Variants in CDS2 observed in about 807,000 individuals in gnomAD.
CDS2 encodes phosphatidate cytidylyltransferase 2.
A neutral mutation model predicts 59.0 loss-of-function variants in CDS2; 47 were observed. The ratio of observed to expected loss-of-function variants is 0.80; its 90% CI spans 0.63 to 1.02. CDS2 has a LOEUF of 1.02. Among genes scored for constraint, CDS2 ranks in the 50% least tolerant of loss-of-function variants. The pLI is 0.00. For synonymous variants in CDS2, 207 were observed against 206.4 expected, an observed-to-expected ratio of 1.00 and a Z score of -0.02; for missense variants, 356 against 558.9, an observed-to-expected ratio of 0.64 and a Z score of 3.66.
intron 1 of CDS2, among the ~76,000 whole-genome samples, chr20:5,165,674 A>G (rs796976013): frequency 3.9e-5 from 6 of 152,060 alleles, no homozygotes; most frequent in South Asian, 2.1e-4. Flanking sequence ...TTGGCCTCCC[A>G]AAGTTTTGGG....
chr20:5,185,580 CCA>C (rs1298320105), intron 8 of CDS2, among the ~76,000 whole-genome samples, 176 bp from the exon 9 acceptor site: 3 of 151,780 alleles, frequency 2.0e-5, no homozygotes, highest in African/African-American at 7.3e-5. Flanking sequence ...AGAAAGGGAA[CCA>C]AAGGGAGGAG....
In CDS2 at chr20:5,184,856, A is replaced by G. The variant is rs775961953; in HGVS notation, c.672-2A>G. 1.8e-5 allele frequency: 29 copies of G among 1,611,964 alleles called. No individual in the cohort carries two copies. On this transcript the variant is annotated splice_acceptor_variant, in intron 7 of 12. Coordinates refer to ENST00000460006, the MANE Select transcript of CDS2 (RefSeq NM_003818.4). LOFTEE classifies it high-confidence loss of function. The surrounding 1 kb of genome is among the most constrained non-coding windows in gnomAD (Gnocchi z 4.3). Reference sequence around the variant, plus strand: ...TTGATCCTTACTTTGGTTCATTTCTAGGTTCATTGTCCCCATATCTTGTGT... The same window carrying G: ...TTGATCCTTACTTTGGTTCATTTCTGGGTTCATTGTCCCCATATCTTGTGT...
At chr20:5,165,842 C>T (rs2090909665) in intron 1 of CDS2, among the ~76,000 whole-genome samples, 1 of 152,116 alleles carries the variant, frequency 6.6e-6, no homozygotes, top group Admixed American at 6.5e-5. Context: ...GGGTGGTTTG[C>T]AGACTGTTTA....
chr20:5,154,884 G>A (rs1251021769), intron 1 of CDS2, among the ~76,000 whole-genome samples: 2 of 152,224 alleles, frequency 1.3e-5, no homozygotes, highest in African/African-American at 4.8e-5. Context: ...CTGAGCTCAA[G>A]CGATCCGCCT....
intron 1 of CDS2, among the ~76,000 whole-genome samples, chr20:5,159,875 A>T: frequency 6.6e-6 from 1 of 152,216 alleles, no homozygotes; most frequent in East Asian, 1.9e-4. Context: ...GCACCTGTGT[A>T]AAGTTTGTAC....
At chr20:5,155,131 A>G (rs1217123408) in intron 1 of CDS2, among the ~76,000 whole-genome samples, 1 of 152,102 alleles carries the variant, frequency 6.6e-6, no homozygotes, top group Non-Finnish European at 1.5e-5. Flanking sequence ...CAACTCATTT[A>G]TTACCACCCT....
At chr20:5,138,379 T>G (rs1302520377) in intron 1 of CDS2, among the ~76,000 whole-genome samples, 2 of 152,226 alleles carry the variant, frequency 1.3e-5, no homozygotes, top group Non-Finnish European at 2.9e-5. Context: ...TGTTCTTGGT[T>G]CCTTTGTGGA....
chr20:5,147,746 G>A lies in CDS2; in HGVS notation c.57+20597G>A, dbSNP rs541442504. Among the ~76,000 whole-genome samples the A allele has an allele frequency of 4.6e-5, 7 of 150,660 alleles. No homozygotes were observed. The South Asian group carries it at 6.3e-4, about 13-fold the overall frequency. Reference sequence around the variant, plus strand: ...TTTTCTTTCTTTTTTTGTTTCTTTGGTGACAGAGTCTTGCCATGTTGCCCA... The same window carrying A: ...TTTTCTTTCTTTTTTTGTTTCTTTGATGACAGAGTCTTGCCATGTTGCCCA... On this transcript the variant is annotated intron_variant, in intron 1 of 12. Coordinates refer to ENST00000460006, the MANE Select transcript of CDS2 (RefSeq NM_003818.4).
rs148361888 is a variant in CDS2, at chr20:5,158,875, A to G, written c.58-14648A>G. ...GATTTGCAAACTGTGTTCTCTGCTG[A>G]TACGTTAGGGGTTCTCCAAACAAAA... On this transcript the variant is annotated intron_variant, in intron 1 of 12. Coordinates refer to ENST00000460006, the MANE Select transcript of CDS2 (RefSeq NM_003818.4). 7.9e-3 allele frequency among the ~76,000 whole-genome samples: 1,209 copies of G among 152,272 alleles called. 26 individuals carry two copies. The highest frequency in any genetic ancestry group is 0.027 in the African/African-American group (1,135 of 41,534).
At chr20:5,168,371 T>C (rs183347849) in intron 1 of CDS2, among the ~76,000 whole-genome samples, 53 of 143,026 alleles carry the variant, frequency 3.7e-4, no homozygotes, top group African/African-American at 1.4e-3. Context: ...GCCAAGATTG[T>C]GCCACTGCAC....
In CDS2 at chr20:5,190,173, A is replaced by G. The variant is rs769991693; in HGVS notation, c.1277A>G (p.Asn426Ser). The change falls in exon 13 of 13, where the codon AAC becomes AGC. Residue 426 changes from asparagine (N) to serine (S), a missense_variant. This residue lies in a region of CDS2 where 33 missense variants were observed against 27.9 expected (regional missense o/e 1.18). Transcript: ENST00000460006. ...CCAGATCAGCAGCTCCACATCTTCAACACGCTGCGGTCTCATCTGATCGAC... is the reference window on the plus strand; with the variant it reads ...CCAGATCAGCAGCTCCACATCTTCAGCACGCTGCGGTCTCATCTGATCGAC... ...LRPDQQLHIF[N>S]TLRSHLIDKG... The G allele has an allele frequency of 7.0e-5, 113 of 1,613,936 alleles. No individual in the cohort carries two copies. The East Asian group carries it at 1.7e-3, about 25-fold the overall frequency.
At chr20:5,165,736 G>T (rs191348043) in intron 1 of CDS2, among the ~76,000 whole-genome samples, 7 of 152,236 alleles carry the variant, frequency 4.6e-5, no homozygotes, top group African/African-American at 1.4e-4. Flanking sequence ...GACAGGGGCC[G>T]CTGGGACACA....
intron 1 of CDS2, among the ~76,000 whole-genome samples, chr20:5,145,137 C>G (rs2122978462): frequency 6.6e-6 from 1 of 151,876 alleles, no homozygotes; most frequent in Admixed American, 6.6e-5. Flanking sequence ...CTTGGCTCAC[C>G]TCTCTCCTGA....
chr20:5,173,880 C>T (rs115460373), intron 2 of CDS2, among the ~76,000 whole-genome samples: 2,413 of 152,306 alleles, frequency 0.016, 65 homozygotes, highest in African/African-American at 0.054. Context: ...CTGGAAGGAT[C>T]TGGCCCCGGA....
chr20:5,164,810 A>T (rs1299413526), intron 1 of CDS2, among the ~76,000 whole-genome samples: 1 of 152,182 alleles, frequency 6.6e-6, no homozygotes, highest in African/African-American at 2.4e-5. Context: ...AAGTGATGTC[A>T]TCGGAACAGA....
At chr20:5,164,889 G>A (rs913129227) in intron 1 of CDS2, among the ~76,000 whole-genome samples, 18 of 152,162 alleles carry the variant, frequency 1.2e-4, no homozygotes, top group African/African-American at 4.3e-4. Flanking sequence ...TCTGAATTAA[G>A]TAATGGCTTG....
intron 1 of CDS2, among the ~76,000 whole-genome samples, chr20:5,159,908 A>G (rs2090864051): frequency 6.6e-6 from 1 of 152,220 alleles, no homozygotes; most frequent in South Asian, 2.1e-4. Flanking sequence ...TAAATTACTG[A>G]CACATTTTTA....
At chr20:5,145,249 C>CCG (rs1735472559) in intron 1 of CDS2, among the ~76,000 whole-genome samples, 1 of 122,078 alleles carries the variant, frequency 8.2e-6, no homozygotes, top group African/African-American at 3.0e-5. Flanking sequence ...CCCCCCCCCG[C>CCG]CCCCGCCACC....
intron 1 of CDS2, among the ~76,000 whole-genome samples, chr20:5,160,121 GT>G (rs2090865896): frequency 1.3e-5 from 2 of 152,178 alleles, no homozygotes; most frequent in Non-Finnish European, 2.9e-5. Flanking sequence ...AATCACAACT[GT>G]TTCATCTGTT....
Sources: gnomAD v4.1 joint callset for allele counts (sites outside exome capture counted in the v4.1 genomes callset) on GRCh38, gnomAD v4.1.1 for gene constraint, gnomAD v4.1.1 regional missense constraint, Gnocchi (gnomAD v3.1) non-coding constraint, MANE v1.5 for transcripts, NCBI Gene and HGNC (gene_info 2026-07-23, HGNC 2026-07-21) for gene names.